Variants in SPATS2 observed in about 807,000 individuals in gnomAD.
The protein encoded by SPATS2 is spermatogenesis-associated serine-rich protein 2.
SPATS2 carries 38 observed loss-of-function variants against 63.7 expected under a neutral mutation model. That is an observed-to-expected ratio of 0.60 (90% CI 0.46 to 0.78). SPATS2 has a LOEUF of 0.78. Among genes scored for constraint, SPATS2 ranks in the 30% least tolerant of loss-of-function variants. SPATS2 has a pLI of 0.00. For synonymous variants in SPATS2, 207 were observed against 232.9 expected (o/e 0.89, Z 1.01); for missense variants, 588 against 666.2 (o/e 0.88, Z 1.29).
Position 49,460,961 on chromosome 12 carries a change from C to G in SPATS2, c.-52C>G, listed in dbSNP as rs754276262. On this transcript the variant is annotated 5_prime_UTR_variant, in exon 3 of 14. Transcript: ENST00000552918. ...GAGATACCTACACTCAAAACCCAGA[C>G]AAGGCAAAAGGATACTTTTCTTGTA... 1 of 1,608,898 alleles carries G rather than the reference C, an allele frequency of 6.2e-7. No individual in the cohort carries two copies. The highest frequency in any genetic ancestry group is 1.7e-5 in the Admixed American group (1 of 59,780).
chr12:49,443,972 T>A (rs937112817), intron 2 of SPATS2, among the ~76,000 whole-genome samples: 1 of 152,218 alleles, frequency 6.6e-6, no homozygotes, highest in African/African-American at 2.4e-5. Context: ...TCTTTGAATT[T>A]CCATATAAAT....
At chr12:49,429,408 T>C (rs1349054417) in intron 2 of SPATS2, among the ~76,000 whole-genome samples, 1 of 152,130 alleles carries the variant, frequency 6.6e-6, no homozygotes, top group African/African-American at 2.4e-5. Context: ...AAAGCGGACT[T>C]AGAGAAAGGT....
intron 8 of SPATS2, among the ~76,000 whole-genome samples, chr12:49,498,145 A>AATATATATATATATATAT (rs1555191172): frequency 3.3e-4 from 33 of 98,942 alleles, no homozygotes; most frequent in African/African-American, 1.1e-3. Context: ...AAAAAAAAAA[A>AATATATATATATATATAT]ATATATATAT....
chr12:49,519,837 A>G (rs1237959850), intron 11 of SPATS2, among the ~76,000 whole-genome samples: 1 of 149,830 alleles, frequency 6.7e-6, no homozygotes, highest in East Asian at 1.9e-4. Context: ...TTTTGAGACA[A>G]AGTCTCGCTC....
chr12:49,449,724 A>G (rs1945584146), intron 2 of SPATS2, among the ~76,000 whole-genome samples: 1 of 152,202 alleles, frequency 6.6e-6, no homozygotes, highest in African/African-American at 2.4e-5. Flanking sequence ...ACTCCCATTT[A>G]TAAAACCATC....
At chr12:49,435,569 G>A (rs950034978) in intron 2 of SPATS2, among the ~76,000 whole-genome samples, 7 of 149,046 alleles carry the variant, frequency 4.7e-5, no homozygotes, top group Non-Finnish European at 8.9e-5. Flanking sequence ...CAAGTGATCC[G>A]CCCGCCTCAG....
At chr12:49,436,610 A>AC (rs1220918832) in intron 2 of SPATS2, among the ~76,000 whole-genome samples, 45 of 103,232 alleles carry the variant, frequency 4.4e-4, no homozygotes, top group African/African-American at 1.2e-3. Flanking sequence ...CCGGGGGCTG[A>AC]CCCCCCCACC....
At chr12:49,385,767 T>C (rs1479731419) in intron 2 of SPATS2, among the ~76,000 whole-genome samples, 4 of 152,206 alleles carry the variant, frequency 2.6e-5, no homozygotes, top group South Asian at 4.1e-4. Flanking sequence ...CAGGGAAATA[T>C]TGTGTGATTG....
chr12:49,520,828 C>T (rs949595539), intron 11 of SPATS2, among the ~76,000 whole-genome samples: 4 of 151,924 alleles, frequency 2.6e-5, no homozygotes, highest in East Asian at 1.9e-4. Flanking sequence ...AAGCGATTCT[C>T]GTGCCTCAGC....
chr12:49,433,971 C>T (rs998146958), intron 2 of SPATS2, among the ~76,000 whole-genome samples: 6 of 152,144 alleles, frequency 3.9e-5, no homozygotes, highest in Non-Finnish European at 5.9e-5. Flanking sequence ...TGTAAGGTAA[C>T]GGTCCAGCTT....
chr12:49,440,613 C>T (rs1043345972), intron 2 of SPATS2, among the ~76,000 whole-genome samples: 5 of 151,970 alleles, frequency 3.3e-5, no homozygotes, highest in Non-Finnish European at 7.4e-5. Flanking sequence ...GGACGACAGG[C>T]GCACACCACC....
chr12:49,469,783 G>A (rs1437438254), intron 3 of SPATS2, among the ~76,000 whole-genome samples: 1 of 151,554 alleles, frequency 6.6e-6, no homozygotes, highest in African/African-American at 2.4e-5. Flanking sequence ...AGCTGCTTGG[G>A]AGACTGAGGC....
intron 2 of SPATS2, among the ~76,000 whole-genome samples, chr12:49,414,125 G>A (rs1944845419): frequency 6.6e-6 from 1 of 152,112 alleles, no homozygotes; most frequent in African/African-American, 2.4e-5. Flanking sequence ...TTTTCATTTT[G>A]TATGGTCTCT....
At position 49,507,798 on chromosome 12, in the gene SPATS2, G is replaced by A. The variant is rs529576655; in HGVS notation, c.840-6757G>A. On this transcript the variant is annotated intron_variant, in intron 9 of 13. Transcript: ENST00000552918. ...CGTACATGTTTATTTAATAATTTCTGTACAATGAATCTGGAATGTATAATG... is the reference window on the plus strand; with the variant it reads ...CGTACATGTTTATTTAATAATTTCTATACAATGAATCTGGAATGTATAATG... Among the ~76,000 whole-genome samples, 3 of 152,238 alleles carry A rather than the reference G, an allele frequency of 2.0e-5. No homozygotes were observed. The South Asian group carries it at 6.2e-4, about 32-fold the overall frequency.
chr12:49,433,285 C>T (rs866951561), intron 2 of SPATS2, among the ~76,000 whole-genome samples: 2 of 152,168 alleles, frequency 1.3e-5, no homozygotes, highest in Non-Finnish European at 2.9e-5. Flanking sequence ...GCTTCAGGCT[C>T]CCGAGTAGCT....
At chr12:49,419,569 T>C (rs1353101350) in intron 2 of SPATS2, among the ~76,000 whole-genome samples, 1 of 152,248 alleles carries the variant, frequency 6.6e-6, no homozygotes, top group Admixed American at 6.5e-5. Flanking sequence ...CCAGAAGATC[T>C]GAGCATTGAT....
chr12:49,463,436 A>G (rs1191423213), intron 3 of SPATS2: 1 of 149,944 alleles, frequency 6.7e-6, no homozygotes, highest in African/African-American at 2.4e-5. Flanking sequence ...AAAAAAATAG[A>G]CTACAACATA....
chr12:49,520,153 T>A (rs1946916836), intron 11 of SPATS2, among the ~76,000 whole-genome samples: 3 of 152,112 alleles, frequency 2.0e-5, no homozygotes, highest in Admixed American at 2.0e-4. Flanking sequence ...CTAATTTTTT[T>A]ATTTTTAGTA....
chr12:49,521,731 CA>C (rs1329124192), intron 11 of SPATS2, among the ~76,000 whole-genome samples: 3 of 152,182 alleles, frequency 2.0e-5, no homozygotes, highest in African/African-American at 7.2e-5. Context: ...TTTGACTCAA[CA>C]AACCCTAGAA....
Sources: gnomAD v4.1 joint callset for allele counts (sites outside exome capture counted in the v4.1 genomes callset) on GRCh38, gnomAD v4.1.1 for gene constraint, MANE v1.5 for transcripts, NCBI Gene and HGNC (gene_info 2026-07-23, HGNC 2026-07-21) for gene names.